Variants in CTNNA3 observed in about 807,000 individuals in gnomAD.
The protein encoded by CTNNA3 is catenin alpha 3.
CTNNA3 carries 76 observed loss-of-function variants against 95.7 expected under a neutral mutation model. The observed-to-expected ratio is 0.79, with a 90% confidence interval of 0.66 to 0.96. The LOEUF (loss-of-function observed/expected upper bound fraction) is 0.96, where lower values mean the gene tolerates loss of function less well. Among genes scored for constraint, CTNNA3 ranks in the 40% least tolerant of loss-of-function variants. The pLI is 0.00. For synonymous variants in CTNNA3, 431 were observed against 374.4 expected (o/e 1.15, Z -1.74); for missense variants, 1,191 against 1,089.8 (o/e 1.09, Z -1.31).
At chr10:67,554,202 T>A (rs1292187847) in intron 3 of CTNNA3, among the ~76,000 whole-genome samples, 1 of 152,216 alleles carries the variant, frequency 6.6e-6, no homozygotes, top group East Asian at 1.9e-4. Flanking sequence ...CTATTGTGAA[T>A]AGTGCCACAA....
chr10:66,508,841 A>T lies in CTNNA3; in HGVS notation c.1531+11776T>A, dbSNP rs567125670. 2.0e-5 allele frequency among the ~76,000 whole-genome samples: 3 copies of T among 152,240 alleles called. No homozygotes were observed. In the South Asian group the frequency reaches 6.2e-4, roughly 32 times the overall value. ...TCGCTCTTATGAATAGTGCTGCAAT[A>T]AACATGGGGTTGCAGATATTTCTTT... On this transcript the variant is annotated intron_variant, in intron 11 of 17. Coordinates refer to ENST00000433211, the MANE Select transcript of CTNNA3 (RefSeq NM_013266.4).
chr10:66,137,741 G>A (rs539268384), intron 13 of CTNNA3, among the ~76,000 whole-genome samples: 2 of 152,188 alleles, frequency 1.3e-5, no homozygotes, highest in African/African-American at 4.8e-5. Flanking sequence ...GAGGTCAGGA[G>A]TTCAGGATTA....
At chr10:66,766,848 C>T (rs988371317) in intron 8 of CTNNA3, among the ~76,000 whole-genome samples, 1 of 152,082 alleles carries the variant, frequency 6.6e-6, no homozygotes, top group Non-Finnish European at 1.5e-5. Context: ...AAATTGTAGA[C>T]TTCATAGTAA....
intron 11 of CTNNA3, among the ~76,000 whole-genome samples, chr10:66,411,808 T>A (rs2132597893): frequency 6.6e-6 from 1 of 152,272 alleles, no homozygotes; most frequent in East Asian, 1.9e-4. Context: ...CACAGCTTCT[T>A]GTATGAAGAA....
At chr10:67,730,652 T>A (rs990228788) in intron 1 of CTNNA3, among the ~76,000 whole-genome samples, 13 of 150,730 alleles carry the variant, frequency 8.6e-5, no homozygotes, top group Non-Finnish European at 1.3e-4. Context: ...AGAAGGGATA[T>A]CTAAATGAAT....
chr10:66,945,504 A>C (rs1589465935), intron 7 of CTNNA3, among the ~76,000 whole-genome samples: 1 of 152,136 alleles, frequency 6.6e-6, no homozygotes, highest in Non-Finnish European at 1.5e-5. Context: ...GGATGGTTTG[A>C]TCTTCTCTCC....
chr10:66,618,384 C>A (rs1844606752), intron 10 of CTNNA3, among the ~76,000 whole-genome samples: 1 of 152,024 alleles, frequency 6.6e-6, no homozygotes, highest in African/African-American at 2.4e-5. Context: ...TGGAACAGAA[C>A]AGAGCCCTCA....
At chr10:66,232,830 T>C (rs2089651637) in intron 13 of CTNNA3, among the ~76,000 whole-genome samples, 1 of 152,168 alleles carries the variant, frequency 6.6e-6, no homozygotes, top group African/African-American at 2.4e-5. Flanking sequence ...GGGAAAATTG[T>C]ATCTTAACTT....
At chr10:66,717,628 T>C (rs1848494818) in intron 9 of CTNNA3, among the ~76,000 whole-genome samples, 1 of 152,070 alleles carries the variant, frequency 6.6e-6, no homozygotes, top group Non-Finnish European at 1.5e-5. Context: ...GGAGAAAGAA[T>C]CAAACAATGT....
intron 9 of CTNNA3, among the ~76,000 whole-genome samples, chr10:66,759,331 A>G (rs1839507479): frequency 6.6e-6 from 1 of 152,210 alleles, no homozygotes; most frequent in Non-Finnish European, 1.5e-5. Flanking sequence ...CTTCTTTTAC[A>G]AGGCAGATAT....
Position 65,930,780 on chromosome 10 carries a change from G to T in CTNNA3, c.2401-10163C>A, listed in dbSNP as rs750405792. ...GAAAAAAAATATGATAGAGGGATGGGCTTTAGCTCTCAGCCCTTTTACATA... is the reference window on the plus strand; with the variant it reads ...GAAAAAAAATATGATAGAGGGATGGTCTTTAGCTCTCAGCCCTTTTACATA... On this transcript the variant is annotated intron_variant, in intron 17 of 17. Transcript: ENST00000433211. 2.1e-4 allele frequency among the ~76,000 whole-genome samples: 32 copies of T among 152,064 alleles called. 1 individual carries two copies. The highest frequency in any genetic ancestry group is 4.4e-4 in the Non-Finnish European group (30 of 68,018).
intron 15 of CTNNA3, among the ~76,000 whole-genome samples, chr10:66,017,061 T>C (rs1279527862): frequency 2.6e-5 from 4 of 152,144 alleles, no homozygotes; most frequent in African/African-American, 7.2e-5. Context: ...CACCATATAA[T>C]CTGAACTACA....
At chr10:66,173,988 T>C (rs2085572570) in intron 13 of CTNNA3, among the ~76,000 whole-genome samples, 1 of 152,112 alleles carries the variant, frequency 6.6e-6, no homozygotes, top group African/African-American at 2.4e-5. Context: ...AAAATCCGTG[T>C]CCCTAGTCTC....
In CTNNA3 at chr10:66,441,190, A is replaced by G. The variant is rs114298402; in HGVS notation, c.1532-61838T>C. On this transcript the variant is annotated intron_variant, in intron 11 of 17. Transcript: ENST00000433211. ...TTTACAAAATATTTAATCATTTTAA[A>G]ATAATTTTAAAAAATCAACACTAAT... Among the ~76,000 whole-genome samples, 1,049 of 150,572 alleles carry G rather than the reference A, an allele frequency of 7.0e-3. 10 individuals are homozygous for G. The highest frequency in any genetic ancestry group is 0.024 in the African/African-American group (999 of 41,044).
At chr10:67,071,803 T>G (rs952940813) in intron 7 of CTNNA3, among the ~76,000 whole-genome samples, 9 of 152,172 alleles carry the variant, frequency 5.9e-5, no homozygotes, top group Admixed American at 1.3e-4. Flanking sequence ...ATTTTTCCCT[T>G]TTTCTTTCTA....
chr10:66,916,257 G>A (rs1029882201), intron 7 of CTNNA3, among the ~76,000 whole-genome samples: 5 of 152,158 alleles, frequency 3.3e-5, no homozygotes, highest in South Asian at 4.1e-4. Flanking sequence ...GAGTCATATC[G>A]CCTATTTATT....
intron 7 of CTNNA3, among the ~76,000 whole-genome samples, chr10:66,777,819 A>ACC (rs71035179): frequency 6.6e-6 from 1 of 151,198 alleles, no homozygotes; most frequent in Non-Finnish European, 1.5e-5. Flanking sequence ...ACACACACAC[A>ACC]CAGTATCAGG....
In CTNNA3 at chr10:66,139,696, C is replaced by T. The variant is rs2083517989; in HGVS notation, c.1885-36447G>A. 2.6e-5 allele frequency among the ~76,000 whole-genome samples: 4 copies of T among 152,186 alleles called. 1 individual carries two copies. The highest frequency in any genetic ancestry group is 6.8e-3 in the Middle Eastern group (2 of 294). On this transcript the variant is annotated intron_variant, in intron 13 of 17. Coordinates refer to ENST00000433211, the MANE Select transcript of CTNNA3 (RefSeq NM_013266.4). Reference sequence around the variant, plus strand: ...AATAGACCATCATAATTGTCCCTCTCATTGTGTCATATTTTTCAAGTGAAG... The same window carrying T: ...AATAGACCATCATAATTGTCCCTCTTATTGTGTCATATTTTTCAAGTGAAG...
At chr10:67,315,900 T>G (rs1461454951) in intron 5 of CTNNA3, among the ~76,000 whole-genome samples, 1 of 152,128 alleles carries the variant, frequency 6.6e-6, no homozygotes, top group Non-Finnish European at 1.5e-5. Flanking sequence ...CTACATAACT[T>G]TCAAACATGC....
Sources: gnomAD v4.1 joint callset for allele counts (sites outside exome capture counted in the v4.1 genomes callset) on GRCh38, gnomAD v4.1.1 for gene constraint, MANE v1.5 for transcripts, NCBI Gene and HGNC (gene_info 2026-07-23, HGNC 2026-07-21) for gene names.